The following EXOC3L2 variants were observed in gnomAD, a reference collection of about 807,000 sequenced individuals.
The protein encoded by EXOC3L2 is exocyst complex component 3-like protein 2.
Under a neutral mutation model 44.4 loss-of-function variants are expected in EXOC3L2, and 17 were observed. The observed-to-expected ratio is 0.38, with a 90% confidence interval of 0.26 to 0.57. The LOEUF is 0.57. Among genes scored for constraint, EXOC3L2 ranks in the 20% least tolerant of loss-of-function variants. The pLI is 0.65. For synonymous variants in EXOC3L2, 256 were observed against 253.7 expected, an observed-to-expected ratio of 1.01 and a Z score of -0.09; for missense variants, 541 against 588.4, an observed-to-expected ratio of 0.92 and a Z score of 0.83.
chr19:45,216,612 A>T (rs1375305635), intron 10 of EXOC3L2: 1 of 153,864 alleles, frequency 6.5e-6, no homozygotes, highest in Non-Finnish European at 1.4e-5. Flanking sequence ...ATAAAAAATA[A>T]AATGTAGCAG....
At chr19:45,230,211 TTTTTGTTTTG>T (rs1026602446) in intron 4 of EXOC3L2, among the ~76,000 whole-genome samples, 1 of 151,658 alleles carries the variant, frequency 6.6e-6, no homozygotes, top group Admixed American at 6.6e-5. Context: ...TTACAAAACA[TTTTTGTTTTG>T]TTTTGTTTTG....
At chr19:45,230,532 A>G (rs1970020121) in intron 4 of EXOC3L2, among the ~76,000 whole-genome samples, 1 of 151,086 alleles carries the variant, frequency 6.6e-6, no homozygotes, top group Non-Finnish European at 1.5e-5. Flanking sequence ...AAGTTTTAAA[A>G]CAGAGACAGT....
At chr19:45,224,469 G>A (rs1472274367) in intron 8 of EXOC3L2, among the ~76,000 whole-genome samples, 2 of 152,012 alleles carry the variant, frequency 1.3e-5, no homozygotes, top group East Asian at 1.9e-4. Flanking sequence ...GGGCGGGCAC[G>A]AGGACCAGGA....
chr19:45,239,594 C>A (rs908861609), intron 1 of EXOC3L2, among the ~76,000 whole-genome samples: 1 of 151,016 alleles, frequency 6.6e-6, no homozygotes, highest in Non-Finnish European at 1.5e-5. Context: ...GATCTCGGCT[C>A]ACTGCAACCT....
Position 45,227,699 on chromosome 19 carries a change from T to C in EXOC3L2, c.1546A>G (p.Lys516Glu), listed in dbSNP as rs1245963059. 2 of 1,612,966 alleles carry C rather than the reference T, an allele frequency of 1.2e-6. No individual in the cohort carries two copies. The highest frequency in any genetic ancestry group is 1.7e-6 in the Non-Finnish European group (2 of 1,179,830). The change falls in exon 7 of 12, where the codon AAG (lysine) becomes GAG (glutamate). Residue 516 changes from lysine (K) to glutamate (E), a missense_variant. By Grantham distance (56) the Lys-to-Glu change is moderately conservative. Coordinates refer to ENST00000413988, the MANE Select transcript of EXOC3L2 (RefSeq NM_001382422.1). ...REMLPDTYIS[K>E]TIALVNCGPP... Reference sequence around the variant, plus strand: ...CCGCAGTTGACCAGGGCGATGGTCTTGCTGATATAGGTGTCAGGTAGCATC... The same window carrying C: ...CCGCAGTTGACCAGGGCGATGGTCTCGCTGATATAGGTGTCAGGTAGCATC...
At position 45,213,091 on chromosome 19, in the gene EXOC3L2, G is replaced by A. The variant is rs565113604; in HGVS notation, c.2387C>T (p.Ala796Val). The A allele has an allele frequency of 9.2e-6, 14 of 1,518,700 alleles. No homozygotes were observed. The Admixed American group carries it at 9.6e-5, about 10-fold the overall frequency. 94.1% of individuals were successfully genotyped at this position (1,518,700 alleles called of 1,614,324 possible). ...CLPRPRPPSL[A>V]RPRAQR ...CCCTCAGCGCTGGGCCCGAGGTCGC[G>A]CTAGAGACGGAGGCCGGGGCCGAGG... The change falls in exon 12 of 12, where the codon GCG becomes GTG. Residue 796 changes from alanine (A) to valine (V), a missense_variant. Ala to Val is a moderately conservative substitution (Grantham distance 64). Transcript: ENST00000413988.
intron 8 of EXOC3L2, among the ~76,000 whole-genome samples, chr19:45,219,393 CA>C (rs950797638): frequency 0.03 from 1,530 of 51,558 alleles, 12 homozygotes; most frequent in Middle Eastern, 0.052. Flanking sequence ...GGCCCCGTCT[CA>C]AAAAAAAAAA....
intron 4 of EXOC3L2, 59 bp from the exon 5 acceptor site, chr19:45,228,325 T>C: frequency 6.8e-7 from 1 of 1,465,112 alleles, no homozygotes; most frequent in Non-Finnish European, 9.4e-7. Flanking sequence ...GTCTTTTTTT[T>C]TATCTCTTTC....
intron 4 of EXOC3L2, among the ~76,000 whole-genome samples, chr19:45,229,383 T>C (rs867147925): frequency 6.8e-6 from 1 of 146,692 alleles, no homozygotes; most frequent in African/African-American, 2.5e-5. Flanking sequence ...TATTAAATAT[T>C]AGTATAAGCT....
intron 4 of EXOC3L2, among the ~76,000 whole-genome samples, chr19:45,230,156 G>T (rs1970015239): frequency 6.6e-6 from 1 of 151,724 alleles, no homozygotes; most frequent in African/African-American, 2.4e-5. Flanking sequence ...GAGTAGCTGA[G>T]ACTACAGGCA....
rs966757096 is a variant in EXOC3L2 at position 45,225,049 on chromosome 19, C to G, written c.1584-136G>C. ...GGGGGGCTGAGAAAGGTCAGGGACT[C>G]TGGAGAGGGGTCAGGGGATGCTTGA... is the stretch of plus-strand genomic sequence containing the variant. On this transcript the variant is annotated intron_variant, in intron 7 of 11. Coordinates refer to ENST00000413988, the MANE Select transcript of EXOC3L2 (RefSeq NM_001382422.1). The G allele has an allele frequency of 7.9e-6, 9 of 1,133,902 alleles. No individual in the cohort carries two copies. In the African/African-American group the frequency reaches 1.0e-4, roughly 13 times the overall value. 70.2% of individuals were successfully genotyped at this position (1,133,902 alleles called of 1,614,324 possible).
intron 7 of EXOC3L2, among the ~76,000 whole-genome samples, 173 bp downstream of exon 7, chr19:45,227,489 G>A (rs1184031139): frequency 2.0e-5 from 3 of 151,958 alleles, no homozygotes; most frequent in Non-Finnish European, 4.4e-5. Flanking sequence ...TCCAATATTC[G>A]GATGCTCTGT....
Position 45,231,786 on chromosome 19 carries a change from C to T in EXOC3L2, c.1246G>A (p.Asp416Asn), listed in dbSNP as rs780080755. 2 of 1,610,228 alleles carry T rather than the reference C, an allele frequency of 1.2e-6. No individual in the cohort carries two copies. The highest frequency in any genetic ancestry group is 1.1e-5 in the South Asian group (1 of 90,802). Residue 416 changes from aspartate (D) to asparagine (N), a missense_variant, in exon 4 of 12, where the codon GAT (aspartate) becomes AAT (asparagine). Coordinates refer to ENST00000413988, the MANE Select transcript of EXOC3L2 (RefSeq NM_001382422.1). ...ACCTTAACATCTGTGACGCATTCAT[C>T]CTCCAAACCCCGCAGGGTGCCAGGG... is the stretch of plus-strand genomic sequence containing the variant. ...LSPGTLRGLE[D>N]ECVTDVKAQT... is the part of the protein sequence containing the mutation.
At chr19:45,215,983 CAGG>C in intron 11 of EXOC3L2, 87 bp downstream of exon 11, 2 of 1,552,156 alleles carry the variant, frequency 1.3e-6, no homozygotes, top group Non-Finnish European at 1.7e-6. Context: ...CTCCCTCCCT[CAGG>C]AGGCAGGAAG....
chr19:45,216,350 G>A (rs563377377), intron 10 of EXOC3L2, among the ~76,000 whole-genome samples, 156 bp from the exon 11 acceptor site: 8 of 152,224 alleles, frequency 5.3e-5, no homozygotes, highest in East Asian at 1.9e-4. Flanking sequence ...AGGCCGAGGC[G>A]GGTGGATCAC....
At position 45,228,028 on chromosome 19, in the gene EXOC3L2, A is replaced by G. The variant is rs1387805647; in HGVS notation, c.1418T>C (p.Phe473Ser). 1.2e-6 allele frequency: 2 copies of G among 1,613,846 alleles called. No homozygotes were observed. Among genetic ancestry groups the G allele is most frequent in the South Asian group, 1.1e-5 (1 of 91,086 alleles). The change falls in exon 6 of 12, where the codon TTT becomes TCT. Residue 473 changes from phenylalanine (F) to serine (S), a missense_variant. Transcript: ENST00000413988. ...GCAGCAGTGGGCCATCCGCTCCCCA[A>G]ACTCCTGGCTGATGCGGGGTGCTCG... is the stretch of plus-strand genomic sequence containing the variant. The part of the protein sequence containing the change: ...TERAPRISQE[F>S]GERMAHCCLG...
chr19:45,222,397 C>T (rs1260666895), intron 8 of EXOC3L2, among the ~76,000 whole-genome samples: 1 of 152,028 alleles, frequency 6.6e-6, no homozygotes, highest in African/African-American at 2.4e-5. Context: ...GACGGGGTTT[C>T]ACCATGTTGG....
intron 8 of EXOC3L2, among the ~76,000 whole-genome samples, chr19:45,221,289 A>G (rs1380988612): frequency 6.6e-6 from 1 of 150,380 alleles, no homozygotes; most frequent in African/African-American, 2.4e-5. Flanking sequence ...CAATCCTCCC[A>G]CCTCACAGCC....
chr19:45,217,124 C>G (rs1350570149), intron 10 of EXOC3L2, among the ~76,000 whole-genome samples: 1 of 151,786 alleles, frequency 6.6e-6, no homozygotes, highest in East Asian at 1.9e-4. Context: ...TTAGTTCAAG[C>G]GATTCTCCTG....
Sources: gnomAD v4.1 joint callset for allele counts (sites outside exome capture counted in the v4.1 genomes callset) on GRCh38, gnomAD v4.1.1 for gene constraint, MANE v1.5 for transcripts, NCBI Gene and HGNC (gene_info 2026-07-23, HGNC 2026-07-21) for gene names.